Variants in TRERF1 observed in about 807,000 individuals in gnomAD.
TRERF1 encodes the protein transcriptional-regulating factor 1.
In TRERF1, 27 loss-of-function variants were observed where a neutral mutation model predicts 122.9. That is an observed-to-expected ratio of 0.22 (90% CI 0.16 to 0.30). The LOEUF is 0.30. Ranked by LOEUF, TRERF1 falls within the 10% of genes least tolerant of loss-of-function variation. The pLI is 1.00. For synonymous variants in TRERF1, 636 were observed against 641.7 expected, an observed-to-expected ratio of 0.99 and a Z score of 0.13; for missense variants, 1,248 against 1,560.3, an observed-to-expected ratio of 0.80 and a Z score of 3.37.
intron 3 of TRERF1, among the ~76,000 whole-genome samples, chr6:42,305,595 CA>C (rs1248426979): frequency 6.6e-6 from 1 of 151,704 alleles, no homozygotes; most frequent in East Asian, 1.9e-4. Flanking sequence ...TCACATCTAC[CA>C]GACCGAGGAC....
At chr6:42,284,814 C>T (rs34244550) in intron 4 of TRERF1, among the ~76,000 whole-genome samples, 4,166 of 152,198 alleles carry the variant, frequency 0.027, 57 homozygotes, top group Non-Finnish European at 0.037. Context: ...TGAACTATGC[C>T]GTCTGACATT....
At chr6:42,331,388 C>G (rs55801860) in intron 3 of TRERF1, among the ~76,000 whole-genome samples, 2 of 152,052 alleles carry the variant, frequency 1.3e-5, no homozygotes, top group Admixed American at 1.3e-4. Context: ...AGAGATGGGA[C>G]TAACTGAAAG....
chr6:42,400,935 C>G (rs1779292139), intron 2 of TRERF1, among the ~76,000 whole-genome samples: 1 of 152,194 alleles, frequency 6.6e-6, no homozygotes, highest in Admixed American at 6.5e-5. Flanking sequence ...ACCCGAGTCC[C>G]AACTGGGGCC....
At chr6:42,356,839 T>C (rs1266278642) in intron 3 of TRERF1, among the ~76,000 whole-genome samples, 1 of 152,040 alleles carries the variant, frequency 6.6e-6, no homozygotes. Context: ...CCCAAAGTGC[T>C]GGGATTACAG....
intron 14 of TRERF1, 61 bp from the exon 15 acceptor site, chr6:42,243,422 C>A (rs1774122591): frequency 5.9e-6 from 7 of 1,186,810 alleles, no homozygotes; most frequent in East Asian, 4.7e-5. Flanking sequence ...AGGTAGCAAG[C>A]ATTTTTGAAT....
In TRERF1 at chr6:42,380,346, GC is replaced by G. The variant is rs1195882231; in HGVS notation, c.-453-17268del. On this transcript the variant is annotated intron_variant, in intron 2 of 17. Coordinates refer to ENST00000372922, the Ensembl canonical transcript of TRERF1. The stretch of plus-strand genomic sequence containing the variant: ...GCCAGGGAACAACTGACCTGACCAA[GC>G]CTTAACAGGACTTCCCCGACCACTG... 3.9e-5 allele frequency among the ~76,000 whole-genome samples: 6 copies of G among 152,292 alleles called. No individual in the cohort carries two copies. The East Asian group carries it at 1.2e-3, about 29-fold the overall frequency.
In TRERF1 at chr6:42,436,814, A is replaced by AAATAT. The variant is rs61427173; in HGVS notation, c.-454+14362_-454+14363insATATT. Reference sequence around the variant, plus strand: ...ATCTCCCTCTACAAAAAAAAAAAAAAATATATATATATATATATATATATA... The same window carrying AAATAT: ...ATCTCCCTCTACAAAAAAAAAAAAAAAATATATATATATATATATATATATATATA... On this transcript the variant is annotated intron_variant, in intron 2 of 17. Transcript: ENST00000372922. 2.9e-3 allele frequency among the ~76,000 whole-genome samples: 191 copies of AAATAT among 66,692 alleles called. 2 individuals carry two copies. Among genetic ancestry groups the AAATAT allele is most frequent in the South Asian group, 8.1e-3 (9 of 1,112 alleles). The allele number at this position is 66,692 out of a possible 152,430, so 43.8% of individuals were successfully genotyped here.
At chr6:42,439,010 G>A (rs1244101442) in intron 2 of TRERF1, among the ~76,000 whole-genome samples, 1 of 152,186 alleles carries the variant, frequency 6.6e-6, no homozygotes, top group Non-Finnish European at 1.5e-5. Flanking sequence ...AGGAAGAAAA[G>A]GGGACAGACA....
At chr6:42,374,341 C>T (rs1007771889) in intron 2 of TRERF1, among the ~76,000 whole-genome samples, 2 of 152,096 alleles carry the variant, frequency 1.3e-5, no homozygotes, top group Non-Finnish European at 2.9e-5. Context: ...AGCATTTATT[C>T]CCCCTTCCTC....
chr6:42,254,992 C>T, intron 12 of TRERF1, 66 bp from the exon 13 acceptor site: 1 of 1,532,802 alleles, frequency 6.5e-7, no homozygotes, highest in Non-Finnish European at 9.0e-7. Flanking sequence ...TGGAGATCAT[C>T]TACCCAAAGG....
rs1250137286 is a variant in TRERF1 at position 42,276,908 on chromosome 6, G to C, written c.-258-7060C>G. Among the ~76,000 whole-genome samples, 1 of 152,210 alleles carries C rather than the reference G, an allele frequency of 6.6e-6. No homozygotes were observed. Among genetic ancestry groups the C allele is most frequent in the African/African-American group, 2.4e-5 (1 of 41,438 alleles). ...GGATCAGTAGGAAGCCCGACGCATA[G>C]CTCAGGAACCTGCAAAATGGAGGGT... is the stretch of plus-strand genomic sequence containing the variant. On this transcript the variant is annotated intron_variant, in intron 4 of 17. Transcript: ENST00000372922. This position sits in a 1 kb window ranked among gnomAD's most constrained non-coding sequence, Gnocchi z 4.3.
At chr6:42,318,997 C>A (rs557420792) in intron 3 of TRERF1, among the ~76,000 whole-genome samples, 40 of 152,346 alleles carry the variant, frequency 2.6e-4, no homozygotes, top group African/African-American at 8.9e-4. Context: ...GGCCAAGTAA[C>A]TTGTATCGCT....
At chr6:42,282,065 C>T (rs1452346726) in intron 4 of TRERF1, among the ~76,000 whole-genome samples, 2 of 152,130 alleles carry the variant, frequency 1.3e-5, no homozygotes, top group African/African-American at 2.4e-5. Context: ...GAACTACTGC[C>T]CTCAGAATTC....
intron 2 of TRERF1, among the ~76,000 whole-genome samples, chr6:42,383,834 A>T (rs1234022868): frequency 6.6e-6 from 1 of 152,212 alleles, no homozygotes; most frequent in Non-Finnish European, 1.5e-5. Context: ...AAAAGAAAAT[A>T]CAAATGAATC....
intron 2 of TRERF1, among the ~76,000 whole-genome samples, chr6:42,377,447 A>G (rs1775109807): frequency 6.6e-6 from 1 of 152,086 alleles, no homozygotes; most frequent in South Asian, 2.1e-4. Flanking sequence ...GGCTTCTTTC[A>G]CTCAGCATAA....
intron 2 of TRERF1, among the ~76,000 whole-genome samples, chr6:42,441,844 G>A (rs1786579866): frequency 6.6e-6 from 1 of 152,062 alleles, no homozygotes. Flanking sequence ...AAGTATGACA[G>A]CAGCAGCCTT....
At chr6:42,289,384 CA>C in intron 4 of TRERF1, among the ~76,000 whole-genome samples, 1 of 150,306 alleles carries the variant, frequency 6.7e-6, no homozygotes, top group South Asian at 2.1e-4. Flanking sequence ...CCAGCAACAA[CA>C]AAAAAACCTT....
chr6:42,333,897 A>G lies in TRERF1; in HGVS notation c.-371+29100T>C, dbSNP rs1211717257. Among the ~76,000 whole-genome samples, 4 of 152,086 alleles carry G rather than the reference A, an allele frequency of 2.6e-5. No individual in the cohort carries two copies. In the East Asian group the frequency reaches 7.7e-4, roughly 29 times the overall value. ...ACCTTCTGGTCATCAAGAAATGGAA[A>G]ATTTCAAGGATGCAGCAAAGATATT... On this transcript the variant is annotated intron_variant, in intron 3 of 17. Transcript: ENST00000372922.
chr6:42,395,793 G>A (rs761482550), intron 2 of TRERF1, among the ~76,000 whole-genome samples: 5 of 151,764 alleles, frequency 3.3e-5, no homozygotes, highest in Non-Finnish European at 5.9e-5. Context: ...GCAAAGGAAT[G>A]AGACACTCTA....
Sources: allele counts gnomAD v4.1 joint callset (sites outside exome capture counted in the v4.1 genomes callset), GRCh38; gene constraint gnomAD v4.1.1; non-coding constraint Gnocchi (gnomAD v3.1); transcripts MANE v1.5; gene names NCBI Gene and HGNC (gene_info 2026-07-23, HGNC 2026-07-21).